SYNE1: variants seen among roughly 807,000 people sequenced by gnomAD.
The protein encoded by SYNE1 is nesprin-1.
A neutral mutation model predicts 1,111.0 loss-of-function variants in SYNE1; 616 were observed. The observed-to-expected ratio is 0.55, with a 90% confidence interval of 0.52 to 0.59. The LOEUF is 0.59. Ranked by LOEUF, SYNE1 falls within the 20% of genes least tolerant of loss-of-function variation. The pLI, the probability that SYNE1 is intolerant of heterozygous loss-of-function variation, is 0.00. For synonymous variants in SYNE1, 3,855 were observed against 3,825.8 expected (o/e 1.01, Z -0.28); for missense variants, 10,006 against 10,417.0 (o/e 0.96, Z 1.72).
At position 152,353,351 on chromosome 6, in the gene SYNE1, C is replaced by G. The variant is rs371267837; in HGVS notation, c.11165G>C (p.Gly3722Ala). The change falls in exon 69 of 146, where the codon GGC becomes GCC. Residue 3722 changes from glycine to alanine, a missense_variant. This residue lies in a region of SYNE1 where 4,955 missense variants were observed against 5,017.2 expected (regional missense o/e 0.99). Coordinates refer to ENST00000367255, the MANE Select transcript of SYNE1 (RefSeq NM_182961.4). ...SSLSSYSDWY[G>A]STHKNFKNVA... Reference sequence around the variant, plus strand: ...ATTCTTGAAGTTTTTATGAGTAGAGCCATACCAATCAGAATAGGAACTGAG... The same window carrying G: ...ATTCTTGAAGTTTTTATGAGTAGAGGCATACCAATCAGAATAGGAACTGAG... 3.7e-6 allele frequency: 6 copies of G among 1,614,076 alleles called. No individual in the cohort carries two copies. The highest frequency in any genetic ancestry group is 5.1e-6 in the Non-Finnish European group (6 of 1,179,994).
chr6:152,318,081 C>A lies in SYNE1; in HGVS notation c.16572G>T (p.Gln5524His). 1 of 1,614,158 alleles carries A rather than the reference C, an allele frequency of 6.2e-7. No individual in the cohort carries two copies. Residue 5524 changes from glutamine to histidine, a missense_variant and splice_region_variant, in exon 86 of 146, where the codon CAG becomes CAT. By Grantham distance (24) the Gln-to-His change is conservative (BLOSUM62 0). Transcript: ENST00000367255. The part of the protein sequence containing the change: ...QAENRLSKLN[Q>H]AASHLEEYNE... ...TGGATTTCTGGCCCGGAACACATAC[C>A]TGATTGAGCTTGGAGAGCCGATTCT...
Position 152,206,252 on chromosome 6 carries a change from G to C in SYNE1, c.22935C>G (p.Ala7645=), listed in dbSNP as rs369873269. ...ADSGAEAALQ[A]ELAEIQEKWK... ...ATTTCTCTTGGATTTCAGCGAGTTC[G>C]GCCTGCAAGGCGGCCTCAGCGCCAC... Residue 7645 remains alanine (A), a synonymous_variant, in exon 126 of 146, where the codon GCC becomes GCG. Coordinates refer to ENST00000367255, the MANE Select transcript of SYNE1 (RefSeq NM_182961.4). The C allele has an allele frequency of 1.9e-6, 3 of 1,613,656 alleles. No homozygotes were observed. The highest frequency in any genetic ancestry group is 1.3e-5 in the African/African-American group (1 of 74,902).
At chr6:152,425,972 G>A (rs1389764072) in intron 38 of SYNE1, among the ~76,000 whole-genome samples, 1 of 152,222 alleles carries the variant, frequency 6.6e-6, no homozygotes, top group Non-Finnish European at 1.5e-5. Context: ...AACAATAAGA[G>A]AGATGCAATT....
In SYNE1 at chr6:152,331,558, G is replaced by A. The variant is rs1158916845; in HGVS notation, c.13127C>T (p.Pro4376Leu). Residue 4376 changes from proline (P) to leucine (L), a missense_variant, in exon 78 of 146, where the codon CCT becomes CTT. Transcript: ENST00000367255. ...GAGAAGGTTCTGAGCCATATCTGGA[G>A]GAGGGCTCTGCTTAAGGGCCTCGGC... ...NIAEALKQSP[P>L]PDMAQNLLMD... 6.2e-6 allele frequency: 10 copies of A among 1,614,142 alleles called. No individual in the cohort carries two copies. Among genetic ancestry groups the A allele is most frequent in the Non-Finnish European group, 8.5e-6 (10 of 1,180,016 alleles).
chr6:152,233,476 C>T (rs1412404271), intron 112 of SYNE1, among the ~76,000 whole-genome samples: 1 of 152,096 alleles, frequency 6.6e-6, no homozygotes, highest in Non-Finnish European at 1.5e-5. Flanking sequence ...AGGCGCACAC[C>T]GCCACGCCAG....
chr6:152,350,550 A>G lies in SYNE1; in HGVS notation c.11733+68T>C, dbSNP rs2096723180. ...ACCAGGCCTTAAAATTACATGACAGAGAGAAAGGAGTCAGGGCCCACATTT... is the reference window on the plus strand; with the variant it reads ...ACCAGGCCTTAAAATTACATGACAGGGAGAAAGGAGTCAGGGCCCACATTT... On this transcript the variant is annotated intron_variant, in intron 71 of 145. Coordinates refer to ENST00000367255, the MANE Select transcript of SYNE1 (RefSeq NM_182961.4). 3 of 1,602,344 alleles carry G rather than the reference A, an allele frequency of 1.9e-6. No individual in the cohort carries two copies. In the South Asian group the frequency reaches 3.3e-5, roughly 18 times the overall value.
At chr6:152,140,861 A>T (rs2058364804) in intron 139 of SYNE1, among the ~76,000 whole-genome samples, 1 of 151,252 alleles carries the variant, frequency 6.6e-6, no homozygotes. Flanking sequence ...GTGAAACCCC[A>T]CCTCTACTAA....
chr6:152,498,185 G>C (rs567903592), intron 11 of SYNE1, among the ~76,000 whole-genome samples: 1 of 152,316 alleles, frequency 6.6e-6, no homozygotes, highest in East Asian at 1.9e-4. Context: ...TATGGGACAT[G>C]CATTCAATAA....
chr6:152,266,075 G>A (rs940337307), intron 100 of SYNE1, among the ~76,000 whole-genome samples: 1 of 152,038 alleles, frequency 6.6e-6, no homozygotes, highest in African/African-American at 2.4e-5. Context: ...TGCATATAAA[G>A]GTGAAGTTTC....
chr6:152,465,414 A>G lies in SYNE1; in HGVS notation c.1776T>C (p.Ala592=). ...CTTCTACTGAGAGATTCCTCCACTG[A>G]GCGGTGGTTTCATTCATGAATTTCA... ...NVMKFMNETT[A]QWRNLSVEVR... is the part of the protein sequence containing the mutation. Residue 592 remains alanine (A), a synonymous_variant, in exon 18 of 146, where the codon GCT becomes GCC. Coordinates refer to ENST00000367255, the MANE Select transcript of SYNE1 (RefSeq NM_182961.4). 1 of 1,613,670 alleles carries G rather than the reference A, an allele frequency of 6.2e-7. No individual in the cohort carries two copies. The highest frequency in any genetic ancestry group is 8.5e-7 in the Non-Finnish European group (1 of 1,179,784).
At chr6:152,311,278 T>C (rs2095538086) in intron 87 of SYNE1, 1 of 231,566 alleles carries the variant, frequency 4.3e-6, no homozygotes, top group African/African-American at 2.2e-5. Context: ...TCAGCTCTCA[T>C]ATTCTATACG....
At chr6:152,229,845 C>T (rs2082359662) in intron 115 of SYNE1, among the ~76,000 whole-genome samples, 1 of 151,846 alleles carries the variant, frequency 6.6e-6, no homozygotes, top group Non-Finnish European at 1.5e-5. Context: ...TTAAAGACAA[C>T]CGAGGAAATA....
intron 131 of SYNE1, among the ~76,000 whole-genome samples, chr6:152,161,921 C>T (rs1248351848): frequency 2.0e-5 from 3 of 152,188 alleles, no homozygotes; most frequent in Admixed American, 1.3e-4. Context: ...GCTGGGGAAG[C>T]GGGCTGGGAG....
At chr6:152,468,995 C>A (rs1310492086) in intron 16 of SYNE1, among the ~76,000 whole-genome samples, 1 of 152,062 alleles carries the variant, frequency 6.6e-6, no homozygotes, top group Non-Finnish European at 1.5e-5. Flanking sequence ...CTGGGCTGGT[C>A]TCAAACTCCT....
chr6:152,343,038 AG>A (rs2096563432), intron 74 of SYNE1, among the ~76,000 whole-genome samples: 1 of 152,220 alleles, frequency 6.6e-6, no homozygotes, highest in Non-Finnish European at 1.5e-5. Flanking sequence ...TTTTGATAGT[AG>A]GAAACTATCT....
intron 119 of SYNE1, 114 bp from the exon 120 acceptor site, chr6:152,219,299 T>A: frequency 9.6e-7 from 1 of 1,044,276 alleles, no homozygotes; most frequent in East Asian, 2.4e-5. Context: ...GATCATATTA[T>A]TAGGCTAAAT....
intron 129 of SYNE1, among the ~76,000 whole-genome samples, chr6:152,177,692 C>T (rs2153148395): frequency 6.6e-6 from 1 of 152,108 alleles, no homozygotes; most frequent in East Asian, 1.9e-4. Flanking sequence ...ATTCAAAGAC[C>T]AATACGTTGA....
intron 41 of SYNE1, among the ~76,000 whole-genome samples, chr6:152,414,617 T>C (rs2098124449): frequency 3.9e-5 from 6 of 152,170 alleles, no homozygotes; most frequent in Admixed American, 2.0e-4. Flanking sequence ...AGCATTAGTA[T>C]GGCTGGAATT....
At chr6:152,361,234 G>T (rs548634794) in intron 64 of SYNE1, among the ~76,000 whole-genome samples, 20 of 152,352 alleles carry the variant, frequency 1.3e-4, no homozygotes, top group Non-Finnish European at 2.4e-4. Context: ...GCGCAAGGGA[G>T]GAGGCTGGGA....
Sources: gnomAD v4.1 joint callset for allele counts (sites outside exome capture counted in the v4.1 genomes callset) on GRCh38, gnomAD v4.1.1 for gene constraint, gnomAD v4.1.1 regional missense constraint, MANE v1.5 for transcripts, NCBI Gene and HGNC (gene_info 2026-07-23, HGNC 2026-07-21) for gene names.